The following PAPPA2 variants were observed in gnomAD, a reference collection of about 807,000 sequenced individuals.
The protein encoded by PAPPA2 is pappalysin-2.
In PAPPA2, 86 loss-of-function variants were observed where a neutral mutation model predicts 176.4. The observed-to-expected ratio is 0.49, with a 90% CI of 0.41 to 0.58. The LOEUF (loss-of-function observed/expected upper bound fraction) is 0.58. Ranked by LOEUF, PAPPA2 falls within the 20% of genes least tolerant of loss-of-function variation. PAPPA2 has a pLI of 0.00. For missense variants in PAPPA2, 2,073 were observed against 2,256.9 expected (o/e 0.92, Z 1.65); for synonymous variants, 809 against 852.2 (o/e 0.95, Z 0.88).
chr1:176,809,021 A>T (rs1481002787), intron 21 of PAPPA2, among the ~76,000 whole-genome samples: 1 of 152,202 alleles, frequency 6.6e-6, no homozygotes, highest in Non-Finnish European at 1.5e-5. Flanking sequence ...TAAAAGTGTT[A>T]AACTTTATAC....
chr1:176,834,999 G>C (rs1038240954), intron 21 of PAPPA2, among the ~76,000 whole-genome samples: 2 of 152,048 alleles, frequency 1.3e-5, no homozygotes, highest in African/African-American at 2.4e-5. Context: ...AGCTATGGGG[G>C]TCCAGAGGAA....
At chr1:176,537,719 AGTGTGTGTGTGTGT>A (rs57602344) in intron 1 of PAPPA2, among the ~76,000 whole-genome samples, 2 of 143,828 alleles carry the variant, frequency 1.4e-5, no homozygotes, top group African/African-American at 2.6e-5. Flanking sequence ...GTAGGTATGG[AGTGTGTGTGTGTGT>A]GTGTGTGTGT....
At chr1:176,539,602 T>G (rs1451780131) in intron 1 of PAPPA2, among the ~76,000 whole-genome samples, 1 of 152,148 alleles carries the variant, frequency 6.6e-6, no homozygotes, top group African/African-American at 2.4e-5. Context: ...TGGTTATGAC[T>G]CCAGCTGAGT....
intron 3 of PAPPA2, among the ~76,000 whole-genome samples, chr1:176,629,557 G>A (rs1408371197): frequency 6.6e-6 from 1 of 152,126 alleles, no homozygotes. Context: ...ATGTAATTCT[G>A]GGTGGGCTGA....
chr1:176,552,574 C>A (rs1651028317), intron 1 of PAPPA2, among the ~76,000 whole-genome samples: 1 of 152,144 alleles, frequency 6.6e-6, no homozygotes, highest in Non-Finnish European at 1.5e-5. Flanking sequence ...GATTTACCTG[C>A]AGAACAAGAC....
intron 17 of PAPPA2, among the ~76,000 whole-genome samples, chr1:176,780,520 T>C (rs1440705575): frequency 6.6e-6 from 1 of 152,164 alleles, no homozygotes. Flanking sequence ...CTAAGACTTT[T>C]GAAAATCTCT....
Position 176,769,645 on chromosome 1 carries a change from C to A in PAPPA2, c.4362C>A (p.Asp1454Glu). ...TCACATGTTCTTCTGGGCACTGGGA[C>A]CAGAATGTGAGCTGCCTTCCCGTGG... ...ILLTCSSGHWDQNVSCLPVDC... is the reference protein window; with the variant it reads ...ILLTCSSGHWEQNVSCLPVDC... The change falls in exon 16 of 23, where the codon GAC becomes GAA. Residue 1454 changes from aspartate (D) to glutamate (E), a missense_variant. Asp to Glu is a conservative substitution (Grantham distance 45). Around this residue, in one of 4 missense-constraint regions of PAPPA2, gnomAD observed 846 missense variants for 857.9 expected, o/e 0.99. Transcript: ENST00000367662. 1 of 1,613,510 alleles carries A rather than the reference C, an allele frequency of 6.2e-7. No homozygotes were observed.
At chr1:176,808,264 G>A (rs552850803) in intron 21 of PAPPA2, among the ~76,000 whole-genome samples, 36 of 152,310 alleles carry the variant, frequency 2.4e-4, no homozygotes, top group African/African-American at 7.9e-4. Context: ...GAAATACAAT[G>A]ATTTGCTTTT....
chr1:176,669,687 C>T (rs953168512), intron 3 of PAPPA2, among the ~76,000 whole-genome samples: 4 of 152,126 alleles, frequency 2.6e-5, no homozygotes, highest in Non-Finnish European at 5.9e-5. Context: ...AAAGCAAGAT[C>T]TTTTTTTGTC....
intron 21 of PAPPA2, among the ~76,000 whole-genome samples, chr1:176,821,333 G>A (rs1044125194): frequency 1.3e-5 from 2 of 152,134 alleles, no homozygotes; most frequent in African/African-American, 4.8e-5. Context: ...CTAATTCCAT[G>A]GAGAAAGTTT....
At chr1:176,695,931 G>A (rs1660357331) in intron 7 of PAPPA2, 72 bp downstream of exon 7, 1 of 1,574,712 alleles carries the variant, frequency 6.4e-7, no homozygotes, top group Admixed American at 1.7e-5. Context: ...AAAGAGTGGA[G>A]TAGTGACATG....
chr1:176,552,550 T>A (rs1651027275), intron 1 of PAPPA2, among the ~76,000 whole-genome samples: 1 of 151,934 alleles, frequency 6.6e-6, no homozygotes, highest in Admixed American at 6.6e-5. Context: ...TAAGCTCCAA[T>A]TTCTTGCCTT....
chr1:176,572,264 C>T (rs1652390716), intron 2 of PAPPA2, among the ~76,000 whole-genome samples: 2 of 152,206 alleles, frequency 1.3e-5, no homozygotes, highest in Non-Finnish European at 2.9e-5. Flanking sequence ...CCTTACTTAA[C>T]CCGTGTCAAT....
intron 2 of PAPPA2, among the ~76,000 whole-genome samples, chr1:176,584,546 T>C (rs1055845474): frequency 6.6e-6 from 1 of 152,176 alleles, no homozygotes; most frequent in African/African-American, 2.4e-5. Flanking sequence ...GAGTTTCTTA[T>C]AGGCAACATA....
intron 3 of PAPPA2, among the ~76,000 whole-genome samples, chr1:176,634,795 GAGAGAGAT>G (rs1553378160): frequency 0.19 from 19,313 of 103,748 alleles, 1,317 homozygotes; most frequent in South Asian, 0.24. Flanking sequence ...AATTTCCAAG[GAGAGAGAT>G]AGATAGATAG....
intron 3 of PAPPA2, among the ~76,000 whole-genome samples, chr1:176,609,001 C>G (rs894952285): frequency 2.0e-5 from 3 of 152,140 alleles, no homozygotes; most frequent in African/African-American, 7.2e-5. Context: ...AGTAATTATT[C>G]AGAAAACTAA....
intron 17 of PAPPA2, among the ~76,000 whole-genome samples, chr1:176,784,209 G>A (rs1163522634): frequency 6.6e-6 from 1 of 152,102 alleles, no homozygotes. Context: ...TCCTGGTAAG[G>A]GCCTGTTTGT....
chr1:176,815,546 T>C (rs556879586), intron 21 of PAPPA2, among the ~76,000 whole-genome samples: 2 of 152,294 alleles, frequency 1.3e-5, no homozygotes, highest in African/African-American at 2.4e-5. Flanking sequence ...GTATATGTAT[T>C]GTAAACCAAA....
chr1:176,825,951 T>C (rs1376021550), intron 21 of PAPPA2, among the ~76,000 whole-genome samples: 3 of 152,178 alleles, frequency 2.0e-5, no homozygotes, highest in Non-Finnish European at 2.9e-5. Flanking sequence ...TGGGGATTGT[T>C]CAGTATATTG....
Sources: allele counts gnomAD v4.1 joint callset (sites outside exome capture counted in the v4.1 genomes callset), GRCh38; gene constraint gnomAD v4.1.1; regional missense constraint gnomAD v4.1.1; transcripts MANE v1.5; gene names NCBI Gene and HGNC (gene_info 2026-07-23, HGNC 2026-07-21).